Variants in ERV3-1 observed in about 807,000 individuals in gnomAD.
ERV3-1 encodes the protein endogenous retrovirus group 3 member 1 Env polyprotein.
In ERV3-1, 36 loss-of-function variants were observed where a neutral mutation model predicts 24.6. The ratio of observed to expected loss-of-function variants is 1.47; its 90% CI spans 1.12 to 1.94. The LOEUF is 1.94. Among genes scored for constraint, ERV3-1 ranks in the 30% most tolerant of loss-of-function variants. ERV3-1 has a pLI of 0.00. For synonymous variants in ERV3-1, 211 were observed against 122.6 expected (o/e 1.72, Z -4.76); for missense variants, 578 against 330.9 (o/e 1.75, Z -5.79).
Position 64,996,467 on chromosome 7 carries a change from C to T in ERV3-1, c.-388-3053G>A, listed in dbSNP as rs190949270. Among the ~76,000 whole-genome samples, 34 of 152,304 alleles carry T rather than the reference C, an allele frequency of 2.2e-4. No homozygotes were observed. In the East Asian group the frequency reaches 5.8e-3, roughly 26 times the overall value. On this transcript the variant is annotated intron_variant, in intron 1 of 1. Transcript: ENST00000394323. ...TAAATAATAATTTCTCTTCCTCCTG[C>T]GTACAAGGCTGCATTGGTGCCTGTA...
At chr7:64,999,203 T>C (rs1374737881) in intron 1 of ERV3-1, among the ~76,000 whole-genome samples, 1 of 152,312 alleles carries the variant, frequency 6.6e-6, no homozygotes, top group East Asian at 1.9e-4. Context: ...CGCCGGGTCA[T>C]GGGAGAGCCA....
chr7:65,005,916 T>C (rs1427600961), intron 1 of ERV3-1, among the ~76,000 whole-genome samples: 1 of 152,214 alleles, frequency 6.6e-6, no homozygotes, highest in African/African-American at 2.4e-5. Context: ...TAACCTCTCA[T>C]TACATGACCA....
rs201996178 is a variant in ERV3-1, at chr7:64,992,282, G to A, written c.745C>T (p.Gln249Ter). The A allele has an allele frequency of 1.2e-4, 95 of 766,318 alleles. No individual in the cohort carries two copies. Among genetic ancestry groups the A allele is most frequent in the Non-Finnish European group, 2.0e-4 (85 of 417,890 alleles). 47.5% of individuals were successfully genotyped at this position (766,318 alleles called of 1,614,324 possible). The change falls in exon 2 of 2, where the codon CAA becomes TAA. Residue 249 changes from glutamine to a stop codon, truncating the protein, a stop_gained. Coordinates refer to ENST00000394323, the MANE Select transcript of ERV3-1 (RefSeq NM_001007253.4). LOFTEE classifies it high-confidence loss of function. ...IIKKTRTRST[Q>*]QFRVFESFYE... The stretch of plus-strand genomic sequence containing the variant: ...AATGACTCAAAAACTCGGAACTGTT[G>A]GGTTGAGCGGGTCCGAGTTTTCTTT...
chr7:65,006,619 TG>T lies in ERV3-1; in HGVS notation c.-468del. On this transcript the variant is annotated 5_prime_UTR_variant, in exon 1 of 2. Transcript: ENST00000394323. ...CTGCAGGTAACGAGGCCACAGAAGC[TG>T]GGCCTCTAGGAGCAGAAGACACAGA... 1.9e-6 allele frequency: 3 copies of T among 1,554,440 alleles called. No homozygotes were observed. The highest frequency in any genetic ancestry group is 2.7e-6 in the Non-Finnish European group (3 of 1,127,742).
intron 1 of ERV3-1, among the ~76,000 whole-genome samples, chr7:64,997,827 GAGGGAGT>G (rs1425406360): frequency 6.6e-6 from 1 of 152,178 alleles, no homozygotes; most frequent in Non-Finnish European, 1.5e-5. Flanking sequence ...CTCTGTGTAG[GAGGGAGT>G]AGGGAGTATG....
Position 64,994,064 on chromosome 7 carries a change from GACAAGTACTA to G in ERV3-1, c.-388-660_-388-651del, listed in dbSNP as rs1353862561. On this transcript the variant is annotated intron_variant, in intron 1 of 1. Transcript: ENST00000394323. ...CCTTGGCCCATCCTGAAAAGGTGTA[GACAAGTACTA>G]ACATGTACCGATAGCTCCCTGCCTG... 7.9e-5 allele frequency among the ~76,000 whole-genome samples: 12 copies of G among 152,232 alleles called. 1 individual carries two copies. Among genetic ancestry groups the G allele is most frequent in the African/African-American group, 2.9e-4 (12 of 41,546 alleles).
In ERV3-1 at chr7:64,992,964, T is replaced by C; in HGVS notation, c.63A>G (p.Lys21=). 1 of 766,376 alleles carries C rather than the reference T, an allele frequency of 1.3e-6. No homozygotes were observed. The highest frequency in any genetic ancestry group is 2.4e-6 in the Non-Finnish European group (1 of 417,870). The allele number at this position is 766,376 out of a possible 1,614,324, so 47.5% of individuals were successfully genotyped here. A position where few individuals can be genotyped will look rare whatever the true frequency, so the allele number is the denominator to read the frequency against. Residue 21 remains lysine (K), a synonymous_variant, in exon 2 of 2, where the codon AAA becomes AAG. Transcript: ENST00000394323. The part of the protein sequence containing the change: ...LFLLLPLSML[K]GEPWEGCLHC... ...GGAGGCATCCCTCCCAGGGTTCTCCTTTTAACATGGATAAGGGGAGTAGCA... is the reference window on the plus strand; with the variant it reads ...GGAGGCATCCCTCCCAGGGTTCTCCCTTTAACATGGATAAGGGGAGTAGCA...
intron 1 of ERV3-1, among the ~76,000 whole-genome samples, chr7:64,995,916 G>C (rs1258263867): frequency 2.0e-5 from 3 of 152,144 alleles, no homozygotes; most frequent in Non-Finnish European, 4.4e-5. Flanking sequence ...AAAGATTGTG[G>C]GAGAATTCTT....
In ERV3-1 at chr7:65,006,631, A is replaced by C; in HGVS notation, c.-479T>G. On this transcript the variant is annotated 5_prime_UTR_variant, in exon 1 of 2. Coordinates refer to ENST00000394323, the MANE Select transcript of ERV3-1 (RefSeq NM_001007253.4). ...AGGCCACAGAAGCTGGGCCTCTAGG[A>C]GCAGAAGACACAGAGCAGTGAAGAC... 6.5e-7 allele frequency: 1 copy of C among 1,541,088 alleles called. No homozygotes were observed. The highest frequency in any genetic ancestry group is 9.0e-7 in the Non-Finnish European group (1 of 1,115,768).
Position 65,006,633 on chromosome 7 carries a change from C to G in ERV3-1, c.-481G>C. ...GCCACAGAAGCTGGGCCTCTAGGAG[C>G]AGAAGACACAGAGCAGTGAAGACTA... On this transcript the variant is annotated 5_prime_UTR_variant, in exon 1 of 2. Transcript: ENST00000394323. The G allele has an allele frequency of 6.5e-7, 1 of 1,537,576 alleles. No homozygotes were observed. Among genetic ancestry groups the G allele is most frequent in the Non-Finnish European group, 9.0e-7 (1 of 1,112,574 alleles).
intron 1 of ERV3-1, among the ~76,000 whole-genome samples, chr7:64,997,168 G>A (rs1193750253): frequency 6.6e-6 from 1 of 152,198 alleles, no homozygotes; most frequent in Non-Finnish European, 1.5e-5. Flanking sequence ...CACTCGCGAT[G>A]CTAGTTTCCC....
Position 64,991,106 on chromosome 7 carries a change from G to T in ERV3-1, c.*106C>A. ...ATATTTTTGACAATGAGGGGTAAGA[G>T]ACAAGGGAGTATAAGGCAAACTCCC... On this transcript the variant is annotated 3_prime_UTR_variant, in exon 2 of 2. Transcript: ENST00000394323. 1.7e-6 allele frequency: 1 copy of T among 603,374 alleles called. No homozygotes were observed. Among genetic ancestry groups the T allele is most frequent in the Non-Finnish European group, 3.0e-6 (1 of 338,612 alleles). The allele number at this position is 603,374 out of a possible 1,614,324, so 37.4% of individuals were successfully genotyped here.
Position 64,992,599 on chromosome 7 carries a change from T to C in ERV3-1, c.428A>G (p.Tyr143Cys), listed in dbSNP as rs199508474. The C allele has an allele frequency of 5.2e-6, 4 of 766,420 alleles. No individual in the cohort carries two copies. The highest frequency in any genetic ancestry group is 2.3e-4 in the Middle Eastern group (1 of 4,440). 47.5% of individuals were successfully genotyped at this position (766,420 alleles called of 1,614,324 possible). ...FPVIFSSMEY[Y>C]SSCHKNRYAH... The stretch of plus-strand genomic sequence containing the variant: ...ATACCTATTTTTATGGCAGCTACTA[T>C]AGTACTCCATGGAACTGAAGATTAC... The change falls in exon 2 of 2, where the codon TAT (tyrosine) becomes TGT (cysteine). Residue 143 changes from tyrosine (Y) to cysteine (C), a missense_variant. By Grantham distance (194) the Tyr-to-Cys change is radical. Coordinates refer to ENST00000394323, the MANE Select transcript of ERV3-1 (RefSeq NM_001007253.4).
Position 64,992,287 on chromosome 7 carries a change from G to A in ERV3-1, c.740C>T (p.Ser247Leu), listed in dbSNP as rs776179884. 5 of 766,164 alleles carry A rather than the reference G, an allele frequency of 6.5e-6. No individual in the cohort carries two copies. Among genetic ancestry groups the A allele is most frequent in the Non-Finnish European group, 1.2e-5 (5 of 417,888 alleles). The allele number at this position is 766,164 out of a possible 1,614,324, so 47.5% of individuals were successfully genotyped here. A position where few individuals can be genotyped will look rare whatever the true frequency, so the allele number is the denominator to read the frequency against. The change falls in exon 2 of 2, where the codon TCA becomes TTA. Residue 247 changes from serine to leucine, a missense_variant. Coordinates refer to ENST00000394323, the MANE Select transcript of ERV3-1 (RefSeq NM_001007253.4). ...CTCAAAAACTCGGAACTGTTGGGTT[G>A]AGCGGGTCCGAGTTTTCTTTATGAT... ...LYIIKKTRTR[S>L]TQQFRVFESF...
intron 1 of ERV3-1, among the ~76,000 whole-genome samples, chr7:65,000,468 C>T (rs1232668092): frequency 6.6e-6 from 1 of 152,124 alleles, no homozygotes; most frequent in Non-Finnish European, 1.5e-5. Flanking sequence ...TGTGATCTGC[C>T]CACCTCGGCC....
chr7:65,003,876 C>T (rs1022446750), intron 1 of ERV3-1: 1 of 151,976 alleles, frequency 6.6e-6, no homozygotes, highest in Non-Finnish European at 1.5e-5. Context: ...ACAAATGTAC[C>T]CTGCAAAAAG....
intron 1 of ERV3-1, among the ~76,000 whole-genome samples, chr7:64,997,897 G>A (rs540146130): frequency 6.6e-5 from 10 of 152,188 alleles, no homozygotes; most frequent in South Asian, 6.2e-4. Context: ...AATAAAAGTC[G>A]GTTGCCCCCC....
In ERV3-1 at chr7:65,006,376, A is replaced by G. The variant is rs1378052632; in HGVS notation, c.-389+165T>C. ...GGTCCGAGCTGTCAGCCCGGCCGCC[A>G]TCCTATGGCTGAAGGGGACTGAGGG... On this transcript the variant is annotated intron_variant, in intron 1 of 1. Transcript: ENST00000394323. 5 of 1,193,550 alleles carry G rather than the reference A, an allele frequency of 4.2e-6. No individual in the cohort carries two copies. In the East Asian group the frequency reaches 9.6e-5, roughly 23 times the overall value. 73.9% of individuals were successfully genotyped at this position (1,193,550 alleles called of 1,614,324 possible).
intron 1 of ERV3-1, among the ~76,000 whole-genome samples, chr7:64,997,797 T>A (rs1285621721): frequency 6.6e-6 from 1 of 152,108 alleles, no homozygotes; most frequent in African/African-American, 2.4e-5. Context: ...CTGCATCAGA[T>A]CTGTGAGGGC....
Sources: gnomAD v4.1 joint callset for allele counts (sites outside exome capture counted in the v4.1 genomes callset) on GRCh38, gnomAD v4.1.1 for gene constraint, MANE v1.5 for transcripts, NCBI Gene and HGNC (gene_info 2026-07-23, HGNC 2026-07-21) for gene names.